Variants in NOSIP observed in about 807,000 individuals in gnomAD.
NOSIP encodes the protein nitric oxide synthase-interacting protein.
Under a neutral mutation model 36.4 loss-of-function variants are expected in NOSIP, and 25 were observed. The observed-to-expected ratio is 0.69, with a 90% CI of 0.50 to 0.96. The LOEUF (loss-of-function observed/expected upper bound fraction) is 0.96. Among genes scored for constraint, NOSIP ranks in the 40% least tolerant of loss-of-function variants. The pLI is 0.00. For missense variants in NOSIP, 370 were observed against 429.0 expected (o/e 0.86, Z 1.21); for synonymous variants, 187 against 179.2 (o/e 1.04, Z -0.35).
chr19:49,562,017 C>T (rs2080342185), intron 1 of NOSIP, among the ~76,000 whole-genome samples: 1 of 152,034 alleles, frequency 6.6e-6, no homozygotes, highest in Non-Finnish European at 1.5e-5. Context: ...GAAGGGAGCC[C>T]CCTACTTTTC....
chr19:49,578,306 T>C (rs1192205088), intron 1 of NOSIP, among the ~76,000 whole-genome samples: 1 of 151,926 alleles, frequency 6.6e-6, no homozygotes, highest in Non-Finnish European at 1.5e-5. Flanking sequence ...GTATTTTTAG[T>C]AGAGATGAGG....
At position 49,556,357 on chromosome 19, in the gene NOSIP, C is replaced by G. The variant is rs2080245618; in HGVS notation, c.794G>C (p.Gly265Ala). The change falls in exon 8 of 9, where the codon GGA becomes GCA. Residue 265 changes from glycine (G) to alanine (A), a missense_variant. Gly to Ala is a moderately conservative substitution (Grantham distance 60). Transcript: ENST00000596358. ...GATGTCGCGGTCTGTGAGTTTGTCT[C>G]CAGTCACAGGGTCCACCATGTCCTT... ...IRKDMVDPVT[G>A]DKLTDRDIIV... 1 of 1,613,532 alleles carries G rather than the reference C, an allele frequency of 6.2e-7. No homozygotes were observed.
At chr19:49,573,103 TGCTATAAATGAAGA>T (rs2080507709) in intron 1 of NOSIP, among the ~76,000 whole-genome samples, 1 of 152,030 alleles carries the variant, frequency 6.6e-6, no homozygotes, top group Non-Finnish European at 1.5e-5. Flanking sequence ...CTCAAATAGT[TGCTATAAATGAAGA>T]GAGGCACAGA....
Position 49,560,784 on chromosome 19 carries a change from C to A in NOSIP, c.-1-92G>T. ...CAGCCCTCAGAGCTGATCTGCCCCC[C>A]TTGATGGGAAAGCGGAGGCGGAGAA... is the stretch of plus-strand genomic sequence containing the variant. On this transcript the variant is annotated intron_variant, in intron 1 of 8. Transcript: ENST00000596358. The surrounding 1 kb of genome is among the most constrained non-coding windows in gnomAD (Gnocchi z 4.6). 2.0e-6 allele frequency: 2 copies of A among 977,362 alleles called. No individual in the cohort carries two copies. Among genetic ancestry groups the A allele is most frequent in the Non-Finnish European group, 3.2e-6 (2 of 632,590 alleles). 60.5% of individuals were successfully genotyped at this position (977,362 alleles called of 1,614,324 possible).
chr19:49,568,795 A>T (rs76329048), intron 1 of NOSIP, among the ~76,000 whole-genome samples: 5 of 123,328 alleles, frequency 4.1e-5, no homozygotes, highest in African/African-American at 1.5e-4. Flanking sequence ...AAAAAAAAAA[A>T]TAGTTTGTTT....
chr19:49,573,635 T>G (rs2080514222), intron 1 of NOSIP, among the ~76,000 whole-genome samples: 1 of 152,086 alleles, frequency 6.6e-6, no homozygotes, highest in South Asian at 2.1e-4. Context: ...AATAATTCAT[T>G]AGTAACATGT....
rs2080244503 is a variant in NOSIP, at chr19:49,556,312, C to T, written c.834+5G>A. The T allele has an allele frequency of 6.2e-7, 1 of 1,605,298 alleles. No homozygotes were observed. The highest frequency in any genetic ancestry group is 8.5e-7 in the Non-Finnish European group (1 of 1,175,342). ...CTGGGGGAAGGGGAGGGGTGGGACTCTTACCCGCTGCAGCACGATGATGTC... is the reference window on the plus strand; with the variant it reads ...CTGGGGGAAGGGGAGGGGTGGGACTTTTACCCGCTGCAGCACGATGATGTC... On this transcript the variant is annotated splice_donor_5th_base_variant and intron_variant, in intron 8 of 8. Coordinates refer to ENST00000596358, the MANE Select transcript of NOSIP (RefSeq NM_001270960.2).
At chr19:49,561,124 A>G (rs2080328027) in intron 1 of NOSIP, among the ~76,000 whole-genome samples, 2 of 152,186 alleles carry the variant, frequency 1.3e-5, no homozygotes, top group African/African-American at 4.8e-5. Context: ...CAAGGCGTGG[A>G]CCAGCCCAGT....
chr19:49,565,769 AAAAGAAAG>A (rs147179302), intron 1 of NOSIP, among the ~76,000 whole-genome samples: 1 of 139,992 alleles, frequency 7.1e-6, no homozygotes, highest in Non-Finnish European at 1.5e-5. Flanking sequence ...AAAGAAAAAA[AAAAGAAAG>A]AAAGAAAGAA....
At chr19:49,578,716 G>A (rs1041055043) in intron 1 of NOSIP, among the ~76,000 whole-genome samples, 2 of 149,618 alleles carry the variant, frequency 1.3e-5, no homozygotes, top group East Asian at 4.0e-4. Context: ...GCGTGATCTC[G>A]GCTCACTGCA....
intron 8 of NOSIP, among the ~76,000 whole-genome samples, 185 bp from the exon 9 acceptor site, chr19:49,556,007 AGAG>A (rs996072691): frequency 2.7e-4 from 40 of 146,272 alleles, no homozygotes; most frequent in African/African-American, 9.3e-4. Context: ...GGCGCAGAGA[AGAG>A]GGTAGAGAGT....
chr19:49,562,797 T>C (rs1457365991), intron 1 of NOSIP, among the ~76,000 whole-genome samples: 1 of 152,078 alleles, frequency 6.6e-6, no homozygotes, highest in Non-Finnish European at 1.5e-5. Context: ...AGGAGACTCA[T>C]TGAACCTGGG....
intron 1 of NOSIP, among the ~76,000 whole-genome samples, chr19:49,570,339 AAC>A (rs914479796): frequency 7.2e-5 from 11 of 152,156 alleles, no homozygotes; most frequent in African/African-American, 2.7e-4. Flanking sequence ...CAAAACTTGA[AAC>A]ACAAACCTCT....
At chr19:49,566,903 C>T (rs1354615360) in intron 1 of NOSIP, 1 of 150,886 alleles carries the variant, frequency 6.6e-6, no homozygotes, top group Admixed American at 6.6e-5. Flanking sequence ...CAACCTCTGC[C>T]TCCCAGGTTC....
intron 4 of NOSIP, chr19:49,558,425 A>ATT (rs1174395686): frequency 6.8e-6 from 1 of 146,076 alleles, no homozygotes; most frequent in Non-Finnish European, 1.5e-5. Flanking sequence ...TTTTTTTTTT[A>ATT]TTTTTTTATT....
Position 49,555,723 on chromosome 19 carries a change from GCCGGTTTATTTGGTCT to G in NOSIP, c.*12_*27del. On this transcript the variant is annotated 3_prime_UTR_variant, in exon 9 of 9. Transcript: ENST00000596358. The stretch of plus-strand genomic sequence containing the variant: ...AGGCGCCACGTCGTTGCGCACCCAA[GCCGGTTTATTTGGTCT>G]CCCGCACACACTCAGGCCTGCATCA... 6.2e-7 allele frequency: 1 copy of G among 1,603,464 alleles called. No homozygotes were observed. Among genetic ancestry groups the G allele is most frequent in the Non-Finnish European group, 8.5e-7 (1 of 1,171,252 alleles).
intron 1 of NOSIP, among the ~76,000 whole-genome samples, chr19:49,561,692 G>A (rs2080336709): frequency 6.6e-6 from 1 of 152,056 alleles, no homozygotes; most frequent in Non-Finnish European, 1.5e-5. Context: ...GATCAGCCTG[G>A]CCAACATGGT....
In NOSIP at chr19:49,555,700, G is replaced by C. The variant is rs370740006; in HGVS notation, c.*51C>G. 1 of 1,526,402 alleles carries C rather than the reference G, an allele frequency of 6.6e-7. No homozygotes were observed. Among genetic ancestry groups the C allele is most frequent in the East Asian group, 2.3e-5 (1 of 44,156 alleles). The allele number at this position is 1,526,402 out of a possible 1,614,324, so 94.6% of individuals were successfully genotyped here. ...CGGGGCGCCCACGCCGCGAATGAAGGCGCCACGTCGTTGCGCACCCAAGCC... is the reference window on the plus strand; with the variant it reads ...CGGGGCGCCCACGCCGCGAATGAAGCCGCCACGTCGTTGCGCACCCAAGCC... On this transcript the variant is annotated 3_prime_UTR_variant, in exon 9 of 9. Coordinates refer to ENST00000596358, the MANE Select transcript of NOSIP (RefSeq NM_001270960.2).
At chr19:49,571,702 T>A (rs2080486116) in intron 1 of NOSIP, among the ~76,000 whole-genome samples, 1 of 152,006 alleles carries the variant, frequency 6.6e-6, no homozygotes, top group Non-Finnish European at 1.5e-5. Context: ...AAAAGGCCAA[T>A]CAGGCTGGCC....
Sources: gnomAD v4.1 joint callset for allele counts (sites outside exome capture counted in the v4.1 genomes callset) on GRCh38, gnomAD v4.1.1 for gene constraint, Gnocchi (gnomAD v3.1) non-coding constraint, MANE v1.5 for transcripts, NCBI Gene and HGNC (gene_info 2026-07-23, HGNC 2026-07-21) for gene names.